The following AGBL1 variants were observed in gnomAD, a reference collection of about 807,000 sequenced individuals.
AGBL1 encodes AGBL carboxypeptidase 1.
Under a neutral mutation model 118.9 loss-of-function variants are expected in AGBL1, and 130 were observed. That is an observed-to-expected ratio of 1.09 (90% CI 0.95 to 1.26). AGBL1 has a LOEUF of 1.26. Among genes scored for constraint, AGBL1 ranks in the 50% most tolerant of loss-of-function variants. The pLI is 0.00. For missense variants in AGBL1, 1,584 were observed against 1,298.1 expected, an observed-to-expected ratio of 1.22 and a Z score of -3.38; for synonymous variants, 555 against 478.9, an observed-to-expected ratio of 1.16 and a Z score of -2.08.
At chr15:87,017,496 A>T (rs1304064332) in intron 24 of AGBL1, among the ~76,000 whole-genome samples, 1 of 152,104 alleles carries the variant, frequency 6.6e-6, no homozygotes, top group Non-Finnish European at 1.5e-5. Flanking sequence ...TACATGAAAA[A>T]CCAAGGCAAC....
chr15:86,374,272 C>T (rs979501411), intron 17 of AGBL1, among the ~76,000 whole-genome samples: 1 of 152,122 alleles, frequency 6.6e-6, no homozygotes, highest in Non-Finnish European at 1.5e-5. Flanking sequence ...AGTGAGGAAA[C>T]GTCTGTGGAT....
At chr15:86,773,213 C>A (rs1254693069) in intron 22 of AGBL1, among the ~76,000 whole-genome samples, 4 of 151,890 alleles carry the variant, frequency 2.6e-5, no homozygotes, top group Admixed American at 1.3e-4. Context: ...ACGAACTATC[C>A]AGGTGGGGAA....
At chr15:86,769,834 C>T (rs1028591905) in intron 22 of AGBL1, among the ~76,000 whole-genome samples, 1 of 151,912 alleles carries the variant, frequency 6.6e-6, no homozygotes, top group Non-Finnish European at 1.5e-5. Context: ...ATCTCATTGC[C>T]TCCCTTTTAA....
chr15:86,645,062 G>C (rs917571849), intron 21 of AGBL1, among the ~76,000 whole-genome samples: 2 of 151,760 alleles, frequency 1.3e-5, no homozygotes, highest in African/African-American at 4.8e-5. Flanking sequence ...AAAAAAAGGA[G>C]AAGCTTTGAT....
At chr15:86,361,420 C>T (rs1001085345) in intron 17 of AGBL1, among the ~76,000 whole-genome samples, 4 of 152,058 alleles carry the variant, frequency 2.6e-5, no homozygotes, top group Non-Finnish European at 4.4e-5. Context: ...GTCTTCTATT[C>T]TGCTCTTGGG....
intron 22 of AGBL1, among the ~76,000 whole-genome samples, chr15:86,771,928 T>C (rs2141289979): frequency 6.6e-6 from 1 of 152,046 alleles, no homozygotes; most frequent in South Asian, 2.1e-4. Flanking sequence ...TGTTTACATA[T>C]AGCAGCCCTG....
chr15:86,737,519 G>C (rs548876508), intron 22 of AGBL1, among the ~76,000 whole-genome samples: 1 of 152,078 alleles, frequency 6.6e-6, no homozygotes, highest in African/African-American at 2.4e-5. Flanking sequence ...ATGATATCTC[G>C]GCTTGTGAGA....
chr15:86,522,083 C>T (rs2083196289), intron 18 of AGBL1, among the ~76,000 whole-genome samples: 1 of 152,200 alleles, frequency 6.6e-6, no homozygotes, highest in Non-Finnish European at 1.5e-5. Context: ...TCAATCCTTT[C>T]ACTACCAGCT....
intron 23 of AGBL1, among the ~76,000 whole-genome samples, chr15:86,929,042 GAC>G (rs1299840477): frequency 6.6e-6 from 1 of 151,826 alleles, no homozygotes; most frequent in African/African-American, 2.4e-5. Flanking sequence ...GTCTCTCTGA[GAC>G]AGAGTCTTGG....
chr15:86,743,608 A>G (rs940969074), intron 22 of AGBL1, among the ~76,000 whole-genome samples: 2 of 152,136 alleles, frequency 1.3e-5, no homozygotes, highest in African/African-American at 4.8e-5. Flanking sequence ...GTGTGCTTTT[A>G]AAGTGCAGAT....
At chr15:86,485,217 G>A (rs1034870241) in intron 18 of AGBL1, among the ~76,000 whole-genome samples, 3 of 152,230 alleles carry the variant, frequency 2.0e-5, no homozygotes, top group East Asian at 3.9e-4. Context: ...ACAATCTCAG[G>A]CCTCGTGCCA....
chr15:86,251,157 C>T (rs2078809157), intron 7 of AGBL1, among the ~76,000 whole-genome samples: 1 of 152,150 alleles, frequency 6.6e-6, no homozygotes, highest in South Asian at 2.1e-4. Context: ...TATTATCTCC[C>T]TTTTTATAGA....
intron 12 of AGBL1, 40 bp downstream of exon 12, chr15:86,266,497 G>T: frequency 7.1e-7 from 1 of 1,412,658 alleles, no homozygotes. Context: ...GGGGCATGGA[G>T]AATTCTCTTA....
At chr15:86,790,567 A>AATAC (rs1219505031) in intron 22 of AGBL1, among the ~76,000 whole-genome samples, 1 of 152,204 alleles carries the variant, frequency 6.6e-6, no homozygotes, top group Non-Finnish European at 1.5e-5. Flanking sequence ...TGAGATATAG[A>AATAC]TGATGACCAT....
chr15:86,522,100 C>T (rs1044511424), intron 18 of AGBL1, among the ~76,000 whole-genome samples: 3 of 152,100 alleles, frequency 2.0e-5, no homozygotes, highest in African/African-American at 7.2e-5. Flanking sequence ...AGCTAGGTCA[C>T]TTTTGTAAAG....
intron 22 of AGBL1, among the ~76,000 whole-genome samples, chr15:86,871,387 C>A (rs985611132): frequency 6.6e-6 from 1 of 152,142 alleles, no homozygotes; most frequent in African/African-American, 2.4e-5. Flanking sequence ...TAAATGAACT[C>A]CTTGACCTGC....
At chr15:86,412,940 C>T (rs1312600997) in intron 18 of AGBL1, among the ~76,000 whole-genome samples, 2 of 152,050 alleles carry the variant, frequency 1.3e-5, no homozygotes, top group Admixed American at 1.3e-4. Flanking sequence ...CTTGACTTTA[C>T]TAATGAAAAA....
chr15:86,378,055 C>T (rs575397684), intron 17 of AGBL1, among the ~76,000 whole-genome samples: 1 of 152,260 alleles, frequency 6.6e-6, no homozygotes, highest in South Asian at 2.1e-4. Flanking sequence ...GGGCTTCATG[C>T]TTCATTTTGC....
intron 16 of AGBL1, among the ~76,000 whole-genome samples, chr15:86,288,500 A>G (rs1453449892): frequency 1.3e-5 from 2 of 151,898 alleles, no homozygotes; most frequent in Non-Finnish European, 2.9e-5. Context: ...TCTATTCTCT[A>G]GTGGTTATTT....
Sources: allele counts gnomAD v4.1 joint callset (sites outside exome capture counted in the v4.1 genomes callset), GRCh38; gene constraint gnomAD v4.1.1; transcripts MANE v1.5; gene names NCBI Gene and HGNC (gene_info 2026-07-23, HGNC 2026-07-21).